DOCK10: variants seen among roughly 807,000 people sequenced by gnomAD.
The protein encoded by DOCK10 is dedicator of cytokinesis protein 10.
In DOCK10, 145 loss-of-function variants were observed where a neutral mutation model predicts 280.1. The ratio of observed to expected loss-of-function variants is 0.52; its 90% CI spans 0.45 to 0.59. The LOEUF (loss-of-function observed/expected upper bound fraction) is 0.59. DOCK10 is among the 20% of genes least tolerant of loss of function. The probability of loss-of-function intolerance (pLI) is 0.00; values close to 1 mark genes in which losing one functional copy is unlikely to be tolerated. For synonymous variants in DOCK10, 915 were observed against 942.2 expected, an observed-to-expected ratio of 0.97 and a Z score of 0.53; for missense variants, 2,368 against 2,651.7, an observed-to-expected ratio of 0.89 and a Z score of 2.35.
intron 28 of DOCK10, among the ~76,000 whole-genome samples, 178 bp downstream of exon 28, chr2:224,823,323 G>GA (rs537447121): frequency 4.7e-5 from 7 of 147,906 alleles, no homozygotes; most frequent in Admixed American, 1.3e-4. Flanking sequence ...ACTTCAAATT[G>GA]AAAAAAAAAA....
At chr2:224,900,546 C>T (rs1044926034) in intron 3 of DOCK10, among the ~76,000 whole-genome samples, 4 of 152,096 alleles carry the variant, frequency 2.6e-5, no homozygotes, top group Admixed American at 6.6e-5. Flanking sequence ...AAAAATGAAC[C>T]GCACATTTGG....
At chr2:224,825,043 G>A (rs1365568740) in intron 27 of DOCK10, among the ~76,000 whole-genome samples, 6 of 147,018 alleles carry the variant, frequency 4.1e-5, no homozygotes, top group East Asian at 4.0e-4. Flanking sequence ...GCAGTGGTAC[G>A]ATCTCAGATC....
At chr2:224,850,242 G>C (rs1403317010) in intron 18 of DOCK10, among the ~76,000 whole-genome samples, 3 of 152,070 alleles carry the variant, frequency 2.0e-5, no homozygotes. Flanking sequence ...TGTTCTTTTT[G>C]CTTTGCAGTA....
intron 1 of DOCK10, among the ~76,000 whole-genome samples, chr2:224,986,030 G>A (rs539572242): frequency 4.6e-5 from 7 of 152,236 alleles, no homozygotes; most frequent in Admixed American, 1.3e-4. Flanking sequence ...TGTTTTGACC[G>A]TGTCAAATTG....
chr2:224,802,012 G>A lies in DOCK10; in HGVS notation c.4297C>T (p.His1433Tyr). ...AAAGTTTGTGATCTGTGCTGCTTAT[G>A]GCCTTCATGACTGGAAGTGGAGTGC... ...WMHSTSSHEG[H>Y]KQHRSQTLPI... Residue 1433 changes from histidine to tyrosine, a missense_variant, in exon 40 of 56, where the codon CAT (histidine) becomes TAT (tyrosine). Transcript: ENST00000258390. 1 of 1,612,944 alleles carries A rather than the reference G, an allele frequency of 6.2e-7. No homozygotes were observed. Among genetic ancestry groups the A allele is most frequent in the Non-Finnish European group, 8.5e-7 (1 of 1,179,270 alleles).
intron 4 of DOCK10, among the ~76,000 whole-genome samples, chr2:224,893,893 T>C (rs1699842153): frequency 6.6e-6 from 1 of 152,188 alleles, no homozygotes; most frequent in Non-Finnish European, 1.5e-5. Context: ...AAATTGTCTG[T>C]TTCCATTACT....
At chr2:224,977,163 T>C (rs1260636910) in intron 1 of DOCK10, among the ~76,000 whole-genome samples, 1 of 152,250 alleles carries the variant, frequency 6.6e-6, no homozygotes, top group Admixed American at 6.5e-5. Context: ...AAGCCATATT[T>C]GGCTTGCTGT....
chr2:224,841,937 T>C, intron 22 of DOCK10, 41 bp from the exon 23 acceptor site: 1 of 1,413,132 alleles, frequency 7.1e-7, no homozygotes, highest in Non-Finnish European at 1.0e-6. Context: ...TGATGACACG[T>C]AAACCGTGTT....
intron 1 of DOCK10, among the ~76,000 whole-genome samples, chr2:224,987,052 G>A (rs183780544): frequency 6.6e-6 from 1 of 152,242 alleles, no homozygotes; most frequent in Non-Finnish European, 1.5e-5. Context: ...CATGGTTTCC[G>A]CATTTGGAGT....
Position 224,790,419 on chromosome 2 carries a change from G to T in DOCK10, c.5312-1249C>A, listed in dbSNP as rs554585813. 2.0e-5 allele frequency among the ~76,000 whole-genome samples: 3 copies of T among 152,284 alleles called. No homozygotes were observed. The South Asian group carries it at 6.2e-4, about 32-fold the overall frequency. On this transcript the variant is annotated intron_variant, in intron 47 of 55. Transcript: ENST00000258390. ...ACAGATTTGTAACTGGCAACTAACTGAGACATTGCTGGTACAGGGCTTAGT... is the reference window on the plus strand; with the variant it reads ...ACAGATTTGTAACTGGCAACTAACTTAGACATTGCTGGTACAGGGCTTAGT...
At position 224,827,080 on chromosome 2, in the gene DOCK10, T is replaced by C. The variant is rs1019046235; in HGVS notation, c.3037-3433A>G. Among the ~76,000 whole-genome samples the C allele has an allele frequency of 4.6e-5, 7 of 151,948 alleles. No individual in the cohort carries two copies. The South Asian group carries it at 1.2e-3, about 27-fold the overall frequency. On this transcript the variant is annotated intron_variant, in intron 27 of 55. Coordinates refer to ENST00000258390, the MANE Select transcript of DOCK10 (RefSeq NM_014689.3). ...GAGTTGGAGACCAGTCTGGCCAACATGGTGAAACCCCGTCTCTACTAAAAA... is the reference window on the plus strand; with the variant it reads ...GAGTTGGAGACCAGTCTGGCCAACACGGTGAAACCCCGTCTCTACTAAAAA...
intron 1 of DOCK10, among the ~76,000 whole-genome samples, chr2:225,013,990 T>A (rs1405194307): frequency 6.6e-6 from 1 of 152,066 alleles, no homozygotes; most frequent in East Asian, 1.9e-4. Context: ...TCTATCTCTT[T>A]CCTGTGTCCT....
intron 1 of DOCK10, among the ~76,000 whole-genome samples, chr2:225,005,072 T>C (rs750343156): frequency 1.3e-5 from 2 of 152,300 alleles, no homozygotes; most frequent in East Asian, 1.9e-4. Context: ...TAGAGGCAAT[T>C]TGAAAGTTAA....
At chr2:225,013,789 C>G (rs534503196) in intron 1 of DOCK10, among the ~76,000 whole-genome samples, 1 of 152,078 alleles carries the variant, frequency 6.6e-6, no homozygotes, top group African/African-American at 2.4e-5. Flanking sequence ...TCAGTTCAAC[C>G]ACCAGCTCTG....
chr2:225,010,205 C>A (rs769116461), intron 1 of DOCK10, among the ~76,000 whole-genome samples: 7 of 152,082 alleles, frequency 4.6e-5, no homozygotes, highest in African/African-American at 9.7e-5. Context: ...ATGGCAATGG[C>A]AGAGGATCAA....
At chr2:224,873,413 T>C (rs1160482662) in intron 11 of DOCK10, among the ~76,000 whole-genome samples, 1 of 151,672 alleles carries the variant, frequency 6.6e-6, no homozygotes, top group African/African-American at 2.4e-5. Flanking sequence ...CTCATCTGTA[T>C]AAGAAATACA....
intron 39 of DOCK10, among the ~76,000 whole-genome samples, chr2:224,803,554 T>C (rs1398514365): frequency 6.6e-6 from 1 of 152,090 alleles, no homozygotes; most frequent in Non-Finnish European, 1.5e-5. Context: ...GTTAGGCCGG[T>C]GAAGGATGAC....
At chr2:224,971,922 G>GTT (rs1205763907) in intron 1 of DOCK10, among the ~76,000 whole-genome samples, 1 of 152,040 alleles carries the variant, frequency 6.6e-6, no homozygotes, top group Non-Finnish European at 1.5e-5. Flanking sequence ...CATAATAATA[G>GTT]TTTGGATATA....
chr2:225,010,256 T>A (rs924763167), intron 1 of DOCK10, among the ~76,000 whole-genome samples: 10 of 152,140 alleles, frequency 6.6e-5, no homozygotes, highest in African/African-American at 1.9e-4. Context: ...TAAGCCTTGC[T>A]GTGTTTAGTT....
Sources: gnomAD v4.1 joint callset for allele counts (sites outside exome capture counted in the v4.1 genomes callset) on GRCh38, gnomAD v4.1.1 for gene constraint, MANE v1.5 for transcripts, NCBI Gene and HGNC (gene_info 2026-07-23, HGNC 2026-07-21) for gene names.